The following TECPR1 variants were observed in gnomAD, a reference collection of about 807,000 sequenced individuals.
TECPR1 encodes the protein tectonin beta-propeller repeat containing 1.
In TECPR1, 122 loss-of-function variants were observed where a neutral mutation model predicts 162.4. The ratio of observed to expected loss-of-function variants is 0.75; its 90% CI spans 0.65 to 0.87. The LOEUF (loss-of-function observed/expected upper bound fraction) is 0.87, where lower values mean the gene tolerates loss of function less well. Ranked by LOEUF, TECPR1 falls within the 40% of genes least tolerant of loss-of-function variation. The pLI, the probability that TECPR1 is intolerant of heterozygous loss-of-function variation, is 0.00. For missense variants in TECPR1, 1,432 were observed against 1,618.2 expected (o/e 0.88, Z 1.97); for synonymous variants, 642 against 670.6 (o/e 0.96, Z 0.66).
chr7:98,230,269 G>A (rs1210145050), intron 15 of TECPR1, among the ~76,000 whole-genome samples: 1 of 151,850 alleles, frequency 6.6e-6, no homozygotes, highest in Non-Finnish European at 1.5e-5. Flanking sequence ...GCCTCCCAGA[G>A]TGATGAGATT....
rs1042921156 is a variant in TECPR1 at position 98,231,829 on chromosome 7, T to C, written c.1949A>G (p.Tyr650Cys). 1.2e-6 allele frequency: 2 copies of C among 1,612,652 alleles called. No individual in the cohort carries two copies. The highest frequency in any genetic ancestry group is 1.7e-6 in the Non-Finnish European group (2 of 1,179,670). ...CTTCTTCTCCTCGTGGACCACATAG[T>C]AGATGAAGAGGATGCTGTCCCGGAC... ...DGVRDSILFI[Y>C]YVVHEEKKYI... The change falls in exon 13 of 26, where the codon TAC (tyrosine) becomes TGC (cysteine). Residue 650 changes from tyrosine (Y) to cysteine (C), a missense_variant. By Grantham distance (194) the Tyr-to-Cys change is radical. Coordinates refer to ENST00000447648, the MANE Select transcript of TECPR1 (RefSeq NM_015395.3).
chr7:98,226,528 A>C (rs183799462), intron 17 of TECPR1: 2 of 1,039,104 alleles, frequency 1.9e-6, no homozygotes, highest in East Asian at 9.4e-5. Context: ...CTGGAAGGCC[A>C]CACCCCACAT....
intron 16 of TECPR1, chr7:98,228,763 G>A (rs1798345072): frequency 2.7e-6 from 1 of 374,046 alleles, no homozygotes; most frequent in African/African-American, 2.0e-5. Flanking sequence ...TACCCTGAAG[G>A]AGGAACCCAC....
At chr7:98,246,843 G>A (rs1234332481) in intron 2 of TECPR1, among the ~76,000 whole-genome samples, 1 of 151,526 alleles carries the variant, frequency 6.6e-6, no homozygotes, top group African/African-American at 2.4e-5. Context: ...TCTGCCTCCC[G>A]AAGTGTTGGG....
chr7:98,244,670 A>C lies in TECPR1; in HGVS notation c.432T>G (p.Phe144Leu). ...TCTTGTCTTTCGTGTAGGTGGCGGG[A>C]AAGTCGATGGCGTACGTCCACCCCT... ...EKGGWTYAID[F>L]PATYTKDKKW... The change falls in exon 5 of 26, where the codon TTT (phenylalanine) becomes TTG (leucine). Residue 144 changes from phenylalanine to leucine, a missense_variant. Coordinates refer to ENST00000447648, the MANE Select transcript of TECPR1 (RefSeq NM_015395.3). The C allele has an allele frequency of 3.7e-6, 6 of 1,612,274 alleles. No individual in the cohort carries two copies. Among genetic ancestry groups the C allele is most frequent in the Non-Finnish European group, 5.1e-6 (6 of 1,179,250 alleles).
At chr7:98,240,747 G>A (rs530801098) in intron 8 of TECPR1, 104 bp downstream of exon 8, 2 of 960,450 alleles carry the variant, frequency 2.1e-6, no homozygotes, top group Admixed American at 5.4e-5. Context: ...TTGAGACAGG[G>A]TCTCGCTCTG....
At chr7:98,243,994 T>C (rs2116623197) in intron 5 of TECPR1, among the ~76,000 whole-genome samples, 1 of 152,094 alleles carries the variant, frequency 6.6e-6, no homozygotes, top group East Asian at 1.9e-4. Context: ...GCTCAGGAGT[T>C]CCAGGCTGCA....
chr7:98,237,027 G>T, intron 9 of TECPR1, 106 bp from the exon 10 acceptor site: 1 of 1,278,512 alleles, frequency 7.8e-7, no homozygotes, highest in African/African-American at 1.5e-5. Context: ...GTGCAGGTGT[G>T]TGTGGGCTGG....
At chr7:98,235,849 A>AAAAAAAC in intron 10 of TECPR1, among the ~76,000 whole-genome samples, 4 of 110,256 alleles carry the variant, frequency 3.6e-5, no homozygotes, top group African/African-American at 1.2e-4. Flanking sequence ...AAAAAAAAAA[A>AAAAAAAC]AACACCATCT....
intron 19 of TECPR1, among the ~76,000 whole-genome samples, chr7:98,224,362 T>C (rs1798222593): frequency 6.6e-6 from 1 of 152,174 alleles, no homozygotes; most frequent in Non-Finnish European, 1.5e-5. Flanking sequence ...CCCCTTCACC[T>C]AACATCTCGT....
chr7:98,223,286 AG>A, intron 20 of TECPR1, 116 bp from the exon 21 acceptor site: 2 of 1,060,308 alleles, frequency 1.9e-6, no homozygotes, highest in Non-Finnish European at 2.7e-6. Flanking sequence ...GGGTAGAAAG[AG>A]GGGCCCAGAG....
intron 23 of TECPR1, 123 bp from the exon 24 acceptor site, chr7:98,218,165 A>T: frequency 2.7e-6 from 2 of 747,650 alleles, no homozygotes; most frequent in Non-Finnish European, 4.4e-6. Context: ...GCTGCTGGGG[A>T]GGCAGGAGGG....
Position 98,246,126 on chromosome 7 carries a change from C to T in TECPR1, c.21G>A (p.Trp7Ter). 4 of 1,550,300 alleles carry T rather than the reference C, an allele frequency of 2.6e-6. No homozygotes were observed. Among genetic ancestry groups the T allele is most frequent in the South Asian group, 2.4e-5 (2 of 84,100 alleles). The change falls in exon 3 of 26, where the codon TGG becomes TGA. Residue 7 changes from tryptophan (W) to a stop codon, truncating the protein, a stop_gained. Transcript: ENST00000447648. LOFTEE classifies it high-confidence loss of function. The part of the protein sequence containing the change: MPNSVL[W>*]AVDLFGRVYT... The stretch of plus-strand genomic sequence containing the variant: ...ACACTCTCCCGAAGAGGTCCACCGC[C>T]CACAGCACTGAGTTGGGCATGGCAG...
chr7:98,228,754 A>G (rs1200066475), intron 16 of TECPR1: 1 of 349,222 alleles, frequency 2.9e-6, no homozygotes, highest in African/African-American at 2.0e-5. Flanking sequence ...GCGAGTGCCT[A>G]CCCTGAAGGA....
intron 22 of TECPR1, 61 bp downstream of exon 22, chr7:98,222,325 A>T (rs1798161245): frequency 3.7e-5 from 58 of 1,560,214 alleles, no homozygotes; most frequent in Non-Finnish European, 5.0e-5. Context: ...GGGGATGTTC[A>T]GCAAACATCA....
chr7:98,243,339 G>T lies in TECPR1; in HGVS notation c.657+128C>A, dbSNP rs988179816. The T allele has an allele frequency of 2.2e-5, 29 of 1,307,578 alleles. No homozygotes were observed. In the African/African-American group the frequency reaches 3.9e-4, roughly 17 times the overall value. The allele number at this position is 1,307,578 out of a possible 1,614,324, so 81.0% of individuals were successfully genotyped here. On this transcript the variant is annotated intron_variant, in intron 6 of 25. Coordinates refer to ENST00000447648, the MANE Select transcript of TECPR1 (RefSeq NM_015395.3). The stretch of plus-strand genomic sequence containing the variant: ...CGCTGGGGGCTCGGAGGAGAGAAAG[G>T]CCAGGAGCAGGCATGGGGTGGGGGG...
rs575178302 is a variant in TECPR1, at chr7:98,217,306, C to T, written c.*84G>A. ...GTCCACCTGGGCCACATTGCTCCCACGGTGCACACTCCAGCACAAGAATGG... is the reference window on the plus strand; with the variant it reads ...GTCCACCTGGGCCACATTGCTCCCATGGTGCACACTCCAGCACAAGAATGG... On this transcript the variant is annotated 3_prime_UTR_variant, in exon 26 of 26. Coordinates refer to ENST00000447648, the MANE Select transcript of TECPR1 (RefSeq NM_015395.3). 3.5e-5 allele frequency: 33 copies of T among 934,666 alleles called. No homozygotes were observed. In the Admixed American group the frequency reaches 3.9e-4, roughly 11 times the overall value. The allele number at this position is 934,666 out of a possible 1,614,324, so 57.9% of individuals were successfully genotyped here. A position where few individuals can be genotyped will look rare whatever the true frequency, so the allele number is the denominator to read the frequency against.
In TECPR1 at chr7:98,217,223, G is replaced by A; in HGVS notation, c.*167C>T. 1 of 592,060 alleles carries A rather than the reference G, an allele frequency of 1.7e-6. No individual in the cohort carries two copies. The highest frequency in any genetic ancestry group is 3.0e-6 in the Non-Finnish European group (1 of 333,396). 36.7% of individuals were successfully genotyped at this position (592,060 alleles called of 1,614,324 possible). A position where few individuals can be genotyped will look rare whatever the true frequency, so the allele number is the denominator to read the frequency against. On this transcript the variant is annotated 3_prime_UTR_variant, in exon 26 of 26. Coordinates refer to ENST00000447648, the MANE Select transcript of TECPR1 (RefSeq NM_015395.3). Reference sequence around the variant, plus strand: ...TGTCCGCGGAGCTTCACATTTCAGGGCCGTCTCAGCCAGTGCCTCTGAAGT... The same window carrying A: ...TGTCCGCGGAGCTTCACATTTCAGGACCGTCTCAGCCAGTGCCTCTGAAGT...
At chr7:98,237,448 C>G (rs1053156769) in intron 9 of TECPR1, among the ~76,000 whole-genome samples, 18 of 151,904 alleles carry the variant, frequency 1.2e-4, no homozygotes, top group Admixed American at 1.1e-3. Flanking sequence ...CTCCCATCAC[C>G]ACACCCAGCT....
Sources: allele counts gnomAD v4.1 joint callset (sites outside exome capture counted in the v4.1 genomes callset), GRCh38; gene constraint gnomAD v4.1.1; transcripts MANE v1.5; gene names NCBI Gene and HGNC (gene_info 2026-07-23, HGNC 2026-07-21).